Variants in KSR2 observed in about 807,000 individuals in gnomAD.
KSR2 encodes kinase suppressor of ras 2.
Under a neutral mutation model 107.8 loss-of-function variants are expected in KSR2, and 25 were observed. The observed-to-expected ratio is 0.23, with a 90% CI of 0.17 to 0.32. KSR2 has a LOEUF of 0.32. KSR2 is among the 10% of genes least tolerant of loss of function. KSR2 has a pLI of 1.00. For missense variants in KSR2, 887 were observed against 1,268.9 expected (o/e 0.70, Z 4.57); for synonymous variants, 480 against 507.0 (o/e 0.95, Z 0.71).
chr12:117,531,864 C>A (rs990158531), intron 10 of KSR2, among the ~76,000 whole-genome samples, 157 bp from the exon 11 acceptor site: 1 of 152,144 alleles, frequency 6.6e-6, no homozygotes, highest in African/African-American at 2.4e-5. Context: ...GGACTGCAAA[C>A]ATGTGTAAAG....
At chr12:117,828,990 A>T (rs866259378) in intron 3 of KSR2, among the ~76,000 whole-genome samples, 55 of 152,298 alleles carry the variant, frequency 3.6e-4, no homozygotes, top group African/African-American at 1.1e-3. Flanking sequence ...CCAGCTTCAA[A>T]GCTACCTGTG....
At chr12:117,689,959 G>T (rs1885746357) in intron 4 of KSR2, among the ~76,000 whole-genome samples, 1 of 151,704 alleles carries the variant, frequency 6.6e-6, no homozygotes, top group Non-Finnish European at 1.5e-5. Context: ...TTGGAAGGAA[G>T]GAAACAGGAA....
At chr12:117,754,034 T>G (rs2136838234) in intron 4 of KSR2, among the ~76,000 whole-genome samples, 1 of 139,436 alleles carries the variant, frequency 7.2e-6, no homozygotes, top group South Asian at 2.3e-4. Flanking sequence ...AACCATATAC[T>G]TAAATGCAAA....
chr12:117,846,906 T>C (rs1892725906), intron 3 of KSR2, among the ~76,000 whole-genome samples: 1 of 152,236 alleles, frequency 6.6e-6, no homozygotes, highest in Non-Finnish European at 1.5e-5. Flanking sequence ...CCACCACTGT[T>C]ATCCCCAACC....
At chr12:117,566,245 G>C (rs189036476) in intron 7 of KSR2, among the ~76,000 whole-genome samples, 97 of 152,258 alleles carry the variant, frequency 6.4e-4, no homozygotes, top group Admixed American at 2.7e-3. Flanking sequence ...TCAGCCTCCT[G>C]AGTAGCTGGG....
chr12:117,643,035 A>T (rs886305043), intron 5 of KSR2, among the ~76,000 whole-genome samples: 3 of 152,250 alleles, frequency 2.0e-5, no homozygotes, highest in African/African-American at 7.2e-5. Flanking sequence ...AGAAAGTTTT[A>T]AAATGCCAAT....
intron 14 of KSR2, among the ~76,000 whole-genome samples, chr12:117,489,816 G>A (rs1421173768): frequency 7.2e-5 from 11 of 152,176 alleles, no homozygotes; most frequent in African/African-American, 2.4e-5. Context: ...AGATGAGCAG[G>A]CCTCAGGCAG....
At chr12:117,933,844 G>A (rs1895763592) in intron 1 of KSR2, among the ~76,000 whole-genome samples, 1 of 152,144 alleles carries the variant, frequency 6.6e-6, no homozygotes, top group Admixed American at 6.5e-5. Context: ...CACAGCAAGA[G>A]GGTGGCAGAG....
At position 117,733,822 on chromosome 12, in the gene KSR2, C is replaced by T. The variant is rs191704725; in HGVS notation, c.986+27189G>A. On this transcript the variant is annotated intron_variant, in intron 4 of 19. Coordinates refer to ENST00000339824, the MANE Select transcript of KSR2 (RefSeq NM_173598.6). ...CAAGGAAGGCTGGTTTTTTGCAACT[C>T]GGTGCCCCAGGCCTCTTATACAGAC... Among the ~76,000 whole-genome samples the T allele has an allele frequency of 5.5e-3, 840 of 152,212 alleles. 6 individuals carry two copies. Among genetic ancestry groups the T allele is most frequent in the Non-Finnish European group, 9.4e-3 (641 of 68,012 alleles).
intron 4 of KSR2, among the ~76,000 whole-genome samples, chr12:117,695,688 G>A (rs1254338535): frequency 6.6e-6 from 1 of 151,046 alleles, no homozygotes; most frequent in Non-Finnish European, 1.5e-5. Flanking sequence ...TCCAGCCTGG[G>A]CGACAAAGTG....
At chr12:117,524,572 C>G (rs920488035) in intron 14 of KSR2, among the ~76,000 whole-genome samples, 1 of 152,010 alleles carries the variant, frequency 6.6e-6, no homozygotes, top group African/African-American at 2.4e-5. Context: ...GAGGCTGAAG[C>G]GAAAGGATCT....
chr12:117,932,406 C>T (rs1363362607), intron 1 of KSR2, among the ~76,000 whole-genome samples: 1 of 152,012 alleles, frequency 6.6e-6, no homozygotes, highest in Non-Finnish European at 1.5e-5. Context: ...CACACTTGAT[C>T]ATAACACTAC....
At position 117,771,177 on chromosome 12, in the gene KSR2, A is replaced by G. The variant is rs541746983; in HGVS notation, c.473-9653T>C. On this transcript the variant is annotated intron_variant, in intron 3 of 19. Coordinates refer to ENST00000339824, the MANE Select transcript of KSR2 (RefSeq NM_173598.6). The stretch of plus-strand genomic sequence containing the variant: ...GCTAAAGGGAAAAGTCAAGCTGGGA[A>G]CTGCTTAGGACAAACCTGCCTCCCA... Among the ~76,000 whole-genome samples, 19 of 152,324 alleles carry G rather than the reference A, an allele frequency of 1.2e-4. No homozygotes were observed. The South Asian group carries it at 3.9e-3, about 32-fold the overall frequency.
chr12:117,498,278 C>T (rs544546966), intron 14 of KSR2, among the ~76,000 whole-genome samples: 1 of 152,236 alleles, frequency 6.6e-6, no homozygotes, highest in East Asian at 1.9e-4. Context: ...CTGAGACTAC[C>T]CCATTCCAAC....
chr12:117,642,761 A>G (rs910895972), intron 5 of KSR2, among the ~76,000 whole-genome samples: 2 of 152,198 alleles, frequency 1.3e-5, no homozygotes, highest in African/African-American at 4.8e-5. Context: ...TGGGGAAAAT[A>G]CTTTCCTTTC....
At position 117,462,365 on chromosome 12, in the gene KSR2, G is replaced by A; in HGVS notation, c.*4834C>T. On this transcript the variant is annotated 3_prime_UTR_variant, in exon 20 of 20. Coordinates refer to ENST00000339824, the MANE Select transcript of KSR2 (RefSeq NM_173598.6). The stretch of plus-strand genomic sequence containing the variant: ...AGATGAGGTCATACTGAAATAGGGT[G>A]GGCCCTTAATCCAATGTGACTCGTG... The A allele has an allele frequency of 6.6e-6, 1 of 151,654 alleles. No homozygotes were observed. Among genetic ancestry groups the A allele is most frequent in the Non-Finnish European group, 1.5e-5 (1 of 67,962 alleles). The allele number at this position is 151,654 out of a possible 1,614,324, so 9.4% of individuals were successfully genotyped here. A position where few individuals can be genotyped will look rare whatever the true frequency, so the allele number is the denominator to read the frequency against.
chr12:117,829,338 A>T (rs1891870929), intron 3 of KSR2, among the ~76,000 whole-genome samples: 1 of 151,994 alleles, frequency 6.6e-6, no homozygotes, highest in South Asian at 2.1e-4. Context: ...CTTCACTCTA[A>T]AGGCTTCCCT....
intron 1 of KSR2, among the ~76,000 whole-genome samples, chr12:117,873,571 G>A (rs766092510): frequency 7.4e-5 from 11 of 148,344 alleles, no homozygotes; most frequent in East Asian, 2.1e-4. Flanking sequence ...AGCGATTCTC[G>A]TGCCTCAGCC....
chr12:117,964,536 C>T (rs149721105), intron 1 of KSR2, among the ~76,000 whole-genome samples: 46 of 152,288 alleles, frequency 3.0e-4, no homozygotes, highest in African/African-American at 1.0e-3. Context: ...GCTACTCAAG[C>T]TCCTCCTTCT....
Sources: allele counts gnomAD v4.1 joint callset (sites outside exome capture counted in the v4.1 genomes callset), GRCh38; gene constraint gnomAD v4.1.1; transcripts MANE v1.5; gene names NCBI Gene and HGNC (gene_info 2026-07-23, HGNC 2026-07-21).